Variants in DISC1 observed in about 807,000 individuals in gnomAD.
DISC1 encodes the protein DISC1 scaffold protein, also known as disrupted in schizophrenia 1 protein.
In DISC1, 57 loss-of-function variants were observed where a neutral mutation model predicts 84.5. That is an observed-to-expected ratio of 0.67 (90% CI 0.55 to 0.84). The LOEUF is 0.84. Ranked by LOEUF, DISC1 falls within the 40% of genes least tolerant of loss-of-function variation. DISC1 has a pLI of 0.00. For synonymous variants in DISC1, 411 were observed against 415.2 expected, an observed-to-expected ratio of 0.99 and a Z score of 0.12; for missense variants, 1,000 against 1,057.8, an observed-to-expected ratio of 0.95 and a Z score of 0.76.
chr1:231,924,161 G>A (rs1281303321), intron 9 of DISC1, among the ~76,000 whole-genome samples: 2 of 152,198 alleles, frequency 1.3e-5, no homozygotes, highest in African/African-American at 4.8e-5. Flanking sequence ...TTTCCCCAGT[G>A]AATACAGGCA....
intron 9 of DISC1, among the ~76,000 whole-genome samples, chr1:231,876,545 CA>C (rs1195734818): frequency 6.6e-6 from 1 of 152,224 alleles, no homozygotes; most frequent in African/African-American, 2.4e-5. Context: ...CAAGATGTAG[CA>C]ACAGTGGCTG....
intron 6 of DISC1, among the ~76,000 whole-genome samples, chr1:231,786,190 G>A (rs1573811851): frequency 6.6e-6 from 1 of 152,044 alleles, no homozygotes; most frequent in African/African-American, 2.4e-5. Context: ...AATAAAAAAG[G>A]CTAGTAAAAG....
chr1:231,773,603 C>G (rs373038449), intron 6 of DISC1, among the ~76,000 whole-genome samples: 2 of 152,138 alleles, frequency 1.3e-5, no homozygotes, highest in African/African-American at 4.8e-5. Flanking sequence ...CCAGGATGGT[C>G]TTAATTTCCT....
chr1:231,745,160 A>T (rs2073829034), intron 3 of DISC1, among the ~76,000 whole-genome samples: 1 of 152,192 alleles, frequency 6.6e-6, no homozygotes, highest in Non-Finnish European at 1.5e-5. Context: ...GCGATGCTTC[A>T]GTACATATAA....
intron 9 of DISC1, among the ~76,000 whole-genome samples, chr1:231,837,932 C>T (rs2082738018): frequency 6.6e-6 from 1 of 152,152 alleles, no homozygotes; most frequent in Admixed American, 6.5e-5. Context: ...GTATGAATGC[C>T]CTTTCATTTA....
chr1:231,740,987 G>A (rs199780267), intron 3 of DISC1, among the ~76,000 whole-genome samples: 1 of 152,178 alleles, frequency 6.6e-6, no homozygotes, highest in Non-Finnish European at 1.5e-5. Context: ...GAAAGTGCTT[G>A]GAGTAATGCC....
chr1:232,023,147 G>C (rs1669122563), intron 11 of DISC1, among the ~76,000 whole-genome samples: 1 of 151,954 alleles, frequency 6.6e-6, no homozygotes, highest in African/African-American at 2.4e-5. Context: ...AAAGTATAAA[G>C]AAGAAAATAA....
intron 10 of DISC1, among the ~76,000 whole-genome samples, chr1:231,983,348 G>A (rs1007952423): frequency 6.6e-6 from 1 of 151,450 alleles, no homozygotes; most frequent in African/African-American, 2.4e-5. Context: ...ATGCTTGCAG[G>A]AGTCAGGGGG....
intron 1 of DISC1, among the ~76,000 whole-genome samples, chr1:231,653,446 A>C (rs1228332160): frequency 1.3e-5 from 2 of 152,130 alleles, no homozygotes; most frequent in Non-Finnish European, 2.9e-5. Flanking sequence ...AAAGTGAAGA[A>C]GATGTCACAG....
At chr1:231,951,803 C>T (rs1055528990) in intron 9 of DISC1, among the ~76,000 whole-genome samples, 4 of 152,058 alleles carry the variant, frequency 2.6e-5, no homozygotes, top group Admixed American at 1.3e-4. Flanking sequence ...TGGTGGCTCA[C>T]ACCTGTAATC....
intron 9 of DISC1, among the ~76,000 whole-genome samples, chr1:231,912,048 C>G (rs2089251597): frequency 6.6e-6 from 1 of 152,142 alleles, no homozygotes. Flanking sequence ...CTTTTCTATG[C>G]TGTTTATTCT....
chr1:231,929,360 G>T (rs890601409), intron 9 of DISC1, among the ~76,000 whole-genome samples: 1 of 152,134 alleles, frequency 6.6e-6, no homozygotes, highest in Non-Finnish European at 1.5e-5. Flanking sequence ...GACAAAATAT[G>T]GAAATCCTGT....
Position 231,889,650 on chromosome 1 carries a change from G to A in DISC1, c.1982-69178G>A, listed in dbSNP as rs540556716. On this transcript the variant is annotated intron_variant, in intron 9 of 12. Transcript: ENST00000439617. ...GGGCCTGGCTGCACTCACAGTGGAAGTGATCCCACTGGATCTCAGATGTTG... is the reference window on the plus strand; with the variant it reads ...GGGCCTGGCTGCACTCACAGTGGAAATGATCCCACTGGATCTCAGATGTTG... Among the ~76,000 whole-genome samples the A allele has an allele frequency of 1.6e-4, 25 of 152,310 alleles. 1 individual carries two copies. Among genetic ancestry groups the A allele is most frequent in the African/African-American group, 4.8e-4 (20 of 41,584 alleles).
chr1:231,949,929 T>C (rs769115974), intron 9 of DISC1, among the ~76,000 whole-genome samples: 5 of 152,234 alleles, frequency 3.3e-5, no homozygotes, highest in African/African-American at 7.2e-5. Context: ...GTCTGAATTT[T>C]TTATTTACTC....
chr1:231,826,751 G>T lies in DISC1; in HGVS notation c.1981+8234G>T, dbSNP rs991329620. Among the ~76,000 whole-genome samples the T allele has an allele frequency of 6.6e-6, 1 of 152,132 alleles. No individual in the cohort carries two copies. Among genetic ancestry groups the T allele is most frequent in the Non-Finnish European group, 1.5e-5 (1 of 68,006 alleles). On this transcript the variant is annotated intron_variant, in intron 9 of 12. Coordinates refer to ENST00000439617, the MANE Select transcript of DISC1 (RefSeq NM_018662.3). The surrounding 1 kb of genome is among the most constrained non-coding windows in gnomAD (Gnocchi z 4.2). Reference sequence around the variant, plus strand: ...TTTTCAAATAACTGTTGCTAGTTCTGCTTCCTGTTCTAAAATGCTGAAATG... The same window carrying T: ...TTTTCAAATAACTGTTGCTAGTTCTTCTTCCTGTTCTAAAATGCTGAAATG...
intron 10 of DISC1, among the ~76,000 whole-genome samples, chr1:231,965,506 C>G (rs1222597867): frequency 6.6e-6 from 1 of 152,226 alleles, no homozygotes; most frequent in Non-Finnish European, 1.5e-5. Context: ...CTCTTCCCTC[C>G]TGGCTCACAA....
At chr1:231,936,264 A>G (rs1264976877) in intron 9 of DISC1, among the ~76,000 whole-genome samples, 1 of 151,864 alleles carries the variant, frequency 6.6e-6, no homozygotes, top group Admixed American at 6.6e-5. Flanking sequence ...TTTTTTTCTC[A>G]TAGATTCACC....
At chr1:231,728,082 A>T (rs1217070627) in intron 3 of DISC1, among the ~76,000 whole-genome samples, 1 of 151,126 alleles carries the variant, frequency 6.6e-6, no homozygotes, top group East Asian at 1.9e-4. Flanking sequence ...TTAAAACTTG[A>T]TTTTTTTTTC....
At chr1:231,864,329 G>A (rs61836968) in intron 9 of DISC1, among the ~76,000 whole-genome samples, 1,991 of 152,162 alleles carry the variant, frequency 0.013, 20 homozygotes, top group Non-Finnish European at 0.02. Context: ...GCTCATAAGC[G>A]TTGCCTCTGT....
Sources: allele counts gnomAD v4.1 joint callset (sites outside exome capture counted in the v4.1 genomes callset), GRCh38; gene constraint gnomAD v4.1.1; non-coding constraint Gnocchi (gnomAD v3.1); transcripts MANE v1.5; gene names NCBI Gene and HGNC (gene_info 2026-07-23, HGNC 2026-07-21).